Variants in FBXW11 observed in about 807,000 individuals in gnomAD.
The protein encoded by FBXW11 is F-box/WD repeat-containing protein 11.
In FBXW11, 19 loss-of-function variants were observed where a neutral mutation model predicts 77.6. The ratio of observed to expected loss-of-function variants is 0.24; its 90% CI spans 0.17 to 0.36. FBXW11 has a LOEUF of 0.36. FBXW11 is among the 10% of genes least tolerant of loss of function. The probability of loss-of-function intolerance (pLI) is 1.00; values close to 1 mark genes in which losing one functional copy is unlikely to be tolerated. For synonymous variants in FBXW11, 235 were observed against 249.4 expected, an observed-to-expected ratio of 0.94 and a Z score of 0.54; for missense variants, 334 against 704.2, an observed-to-expected ratio of 0.47 and a Z score of 5.95.
At chr5:171,957,347 A>G (rs1763666405) in intron 2 of FBXW11, among the ~76,000 whole-genome samples, 1 of 152,320 alleles carries the variant, frequency 6.6e-6, no homozygotes, top group South Asian at 2.1e-4. Context: ...TACAACCTCA[A>G]GGTGAGGGGA....
intron 3 of FBXW11, among the ~76,000 whole-genome samples, chr5:171,913,874 C>CA (rs1561677982): frequency 1.3e-5 from 2 of 149,736 alleles, no homozygotes; most frequent in South Asian, 2.1e-4. Flanking sequence ...CACACACACA[C>CA]AACCTGGGAA....
At chr5:171,971,610 G>A (rs76949265) in intron 1 of FBXW11, among the ~76,000 whole-genome samples, 2,701 of 146,166 alleles carry the variant, frequency 0.018, 76 homozygotes, top group African/African-American at 0.064. Context: ...AAGTCATTAC[G>A]TTTTTGCAGG....
At chr5:171,978,403 CA>C (rs781014153) in intron 1 of FBXW11, among the ~76,000 whole-genome samples, 36 of 152,066 alleles carry the variant, frequency 2.4e-4, no homozygotes, top group Non-Finnish European at 4.4e-4. Context: ...AAACATAATA[CA>C]GGAAAAAACT....
At position 171,920,710 on chromosome 5, in the gene FBXW11, A is replaced by G. The variant is rs181113674; in HGVS notation, c.148-6305T>C. Reference sequence around the variant, plus strand: ...CAAGCTTCATCTCTATAAAAAAGCAATAATACTAATAAACAAAATAAAAAA... The same window carrying G: ...CAAGCTTCATCTCTATAAAAAAGCAGTAATACTAATAAACAAAATAAAAAA... On this transcript the variant is annotated intron_variant, in intron 2 of 13. Transcript: ENST00000517395. Among the ~76,000 whole-genome samples, 14 of 152,320 alleles carry G rather than the reference A, an allele frequency of 9.2e-5. No homozygotes were observed. The East Asian group carries it at 2.5e-3, about 27-fold the overall frequency.
intron 2 of FBXW11, among the ~76,000 whole-genome samples, chr5:171,929,625 G>A (rs1762064264): frequency 6.6e-6 from 1 of 152,090 alleles, no homozygotes; most frequent in South Asian, 2.1e-4. Flanking sequence ...GCCGAGGTGG[G>A]CAGATCACGA....
At chr5:171,923,133 C>G (rs961108279) in intron 2 of FBXW11, among the ~76,000 whole-genome samples, 1 of 152,166 alleles carries the variant, frequency 6.6e-6, no homozygotes, top group African/African-American at 2.4e-5. Flanking sequence ...AGGCTAGTCT[C>G]GAACTCCTGG....
chr5:171,963,224 C>T (rs1764002152), intron 1 of FBXW11, among the ~76,000 whole-genome samples: 1 of 151,876 alleles, frequency 6.6e-6, no homozygotes, highest in Admixed American at 6.6e-5. Context: ...TATACATACA[C>T]ACACAAATAT....
chr5:171,981,158 A>T (rs1765124440), intron 1 of FBXW11, among the ~76,000 whole-genome samples: 2 of 145,018 alleles, frequency 1.4e-5, no homozygotes, highest in South Asian at 4.4e-4. Flanking sequence ...AAAAAAAAAA[A>T]TCTTAAAGGG....
chr5:171,869,328 T>C lies in FBXW11; in HGVS notation c.1530+401A>G, dbSNP rs1403335686. ...ATCTACCAATATTTCCAAATGACTA[T>C]CTCTTCAAAAATATAACAGTACTTA... is the stretch of plus-strand genomic sequence containing the variant. On this transcript the variant is annotated intron_variant, in intron 12 of 13. Coordinates refer to ENST00000517395, the MANE Select transcript of FBXW11 (RefSeq NM_001378974.1). The surrounding 1 kb of genome is among the most constrained non-coding windows in gnomAD (Gnocchi z 4.1). 2.0e-5 allele frequency among the ~76,000 whole-genome samples: 3 copies of C among 152,278 alleles called. No homozygotes were observed.
chr5:171,972,165 G>A (rs751565000), intron 1 of FBXW11, among the ~76,000 whole-genome samples: 1 of 150,632 alleles, frequency 6.6e-6, no homozygotes, highest in Admixed American at 6.6e-5. Flanking sequence ...CTGGGAAGTC[G>A]AGGCTGCAGT....
chr5:171,946,754 C>T (rs1763029532), intron 2 of FBXW11, among the ~76,000 whole-genome samples: 1 of 150,978 alleles, frequency 6.6e-6, no homozygotes, highest in Admixed American at 6.6e-5. Context: ...GTGCTCTATT[C>T]CCCCCTTTTC....
rs1374816080 is a variant in FBXW11, at chr5:171,864,017, C to CA, written c.*109dup. On this transcript the variant is annotated 3_prime_UTR_variant, in exon 14 of 14. Transcript: ENST00000517395. Reference sequence around the variant, plus strand: ...TTTGCATCTACCCAGCGTCTAGAACCAATTCCAGCTTCATAACTCAGCTGT... The same window carrying CA: ...TTTGCATCTACCCAGCGTCTAGAACCAAATTCCAGCTTCATAACTCAGCTGT... The CA allele has an allele frequency of 6.6e-6, 1 of 152,116 alleles. No individual in the cohort carries two copies. Among genetic ancestry groups the CA allele is most frequent in the Non-Finnish European group, 1.5e-5 (1 of 68,016 alleles). The allele number at this position is 152,116 out of a possible 1,614,324, so 9.4% of individuals were successfully genotyped here. A position where few individuals can be genotyped will look rare whatever the true frequency, so the allele number is the denominator to read the frequency against.
intron 7 of FBXW11, among the ~76,000 whole-genome samples, chr5:171,879,506 G>T (rs1001118397): frequency 1.3e-5 from 2 of 152,182 alleles, no homozygotes; most frequent in Non-Finnish European, 2.9e-5. Context: ...GTTTAGTTTC[G>T]TAAGAATGCC....
intron 2 of FBXW11, among the ~76,000 whole-genome samples, chr5:171,939,327 A>C (rs1170797077): frequency 3.3e-5 from 5 of 152,210 alleles, no homozygotes; most frequent in Non-Finnish European, 2.9e-5. Flanking sequence ...TACTTAATGG[A>C]AGAGGGTGAA....
rs1289777983 is a variant in FBXW11 at position 171,930,769 on chromosome 5, A to AG, written c.148-16365_148-16364insC. 1.2e-3 allele frequency among the ~76,000 whole-genome samples: 181 copies of AG among 149,032 alleles called. 4 individuals are homozygous for AG. In the East Asian group the frequency reaches 0.029, roughly 24 times the overall value. ...AAATAAAAAATAAAAAAATAAAAAA[A>AG]AAAAAAAGAAAAACTGAAAGAATTA... On this transcript the variant is annotated intron_variant, in intron 2 of 13. Transcript: ENST00000517395.
intron 2 of FBXW11, among the ~76,000 whole-genome samples, chr5:171,949,121 C>A (rs968003005): frequency 6.6e-6 from 1 of 152,176 alleles, no homozygotes; most frequent in African/African-American, 2.4e-5. Flanking sequence ...TCCATATCAT[C>A]AGTAAGACAC....
At chr5:171,973,334 G>A (rs1764639575) in intron 1 of FBXW11, among the ~76,000 whole-genome samples, 1 of 152,132 alleles carries the variant, frequency 6.6e-6, no homozygotes, top group Non-Finnish European at 1.5e-5. Flanking sequence ...TGGGAGAGGC[G>A]ATTTTTATAG....
rs1161644281 is a variant in FBXW11 at position 171,913,818 on chromosome 5, TACACACACAC to T, written c.210+515_210+524del. 9.9e-3 allele frequency among the ~76,000 whole-genome samples: 647 copies of T among 65,304 alleles called. 8 individuals carry two copies. Among genetic ancestry groups the T allele is most frequent in the African/African-American group, 0.029 (587 of 19,910 alleles). The allele number at this position is 65,304 out of a possible 152,430, so 42.8% of individuals were successfully genotyped here. A position where few individuals can be genotyped will look rare whatever the true frequency, so the allele number is the denominator to read the frequency against. ...CCCCAAACCCCCAACCACACACACA[TACACACACAC>T]ACACACACACACACACACACACACA... On this transcript the variant is annotated intron_variant, in intron 3 of 13. Coordinates refer to ENST00000517395, the MANE Select transcript of FBXW11 (RefSeq NM_001378974.1).
At position 171,946,447 on chromosome 5, in the gene FBXW11, C is replaced by T. The variant is rs777623109; in HGVS notation, c.147+11150G>A. 2.6e-4 allele frequency among the ~76,000 whole-genome samples: 39 copies of T among 152,306 alleles called. 1 individual carries two copies. The highest frequency in any genetic ancestry group is 4.7e-4 in the Non-Finnish European group (32 of 68,022). Reference sequence around the variant, plus strand: ...CATGCAGAATAAAAGCCAAAGTCTACGAAACTCTAGAAGCCCCACAGAATT... The same window carrying T: ...CATGCAGAATAAAAGCCAAAGTCTATGAAACTCTAGAAGCCCCACAGAATT... On this transcript the variant is annotated intron_variant, in intron 2 of 13. Transcript: ENST00000517395.
Sources: allele counts gnomAD v4.1 joint callset (sites outside exome capture counted in the v4.1 genomes callset), GRCh38; gene constraint gnomAD v4.1.1; non-coding constraint Gnocchi (gnomAD v3.1); transcripts MANE v1.5; gene names NCBI Gene and HGNC (gene_info 2026-07-23, HGNC 2026-07-21).